The following TTC14 variants were observed in gnomAD, a reference collection of about 807,000 sequenced individuals.
TTC14 encodes tetratricopeptide repeat protein 14.
TTC14 carries 63 observed loss-of-function variants against 79.9 expected under a neutral mutation model. The observed-to-expected ratio is 0.79, with a 90% CI of 0.64 to 0.97. The LOEUF (loss-of-function observed/expected upper bound fraction) is 0.97, where lower values mean the gene tolerates loss of function less well. Among genes scored for constraint, TTC14 ranks in the 50% least tolerant of loss-of-function variants. The pLI is 0.00. For missense variants in TTC14, 895 were observed against 894.0 expected (o/e 1.00, Z -0.01); for synonymous variants, 335 against 309.6 (o/e 1.08, Z -0.86).
At chr3:180,614,938 T>C, downstream of TTC14, 1 of 1,564,400 alleles carries the variant, frequency 6.4e-7, no homozygotes. Flanking sequence ...CTGCTCTTTT[T>C]GCTCTTAACA....
In TTC14 at chr3:180,602,960, A is replaced by G. The variant is rs759681333; in HGVS notation, c.231A>G (p.Ala77=). Residue 77 remains alanine (A), a synonymous_variant, in exon 2 of 12, where the codon GCA becomes GCG. Transcript: ENST00000296015. ...CCAAAAAAGCGGATCTGCTTTTTGC[A>G]CTTTCCTGGAAATCAGATGCACCTG... ...FISKKADLLF[A]LSWKSDAPAT... is the part of the protein sequence containing the mutation. 5.8e-5 allele frequency: 93 copies of G among 1,614,028 alleles called. No homozygotes were observed. The highest frequency in any genetic ancestry group is 4.0e-4 in the South Asian group (36 of 91,028).
intron 10 of TTC14, chr3:180,608,306 T>A: frequency 1.6e-5 from 16 of 986,898 alleles, no homozygotes; most frequent in Non-Finnish European, 1.9e-5. Flanking sequence ...CTCCTTCACT[T>A]CACCTTAACG....
At chr3:180,613,540 T>G (rs1356695943), downstream of TTC14, among the ~76,000 whole-genome samples, 1 of 152,194 alleles carries the variant, frequency 6.6e-6, no homozygotes, top group African/African-American at 2.4e-5. Flanking sequence ...CTTTTTTATA[T>G]TATCAAATTC....
chr3:180,616,279 A>T (rs1392482298), intron 12 of TTC14: 5 of 1,612,874 alleles, frequency 3.1e-6, no homozygotes, highest in African/African-American at 1.3e-5. Context: ...CCCTCCGCTT[A>T]CCTTGCTGAT....
chr3:180,606,635 T>C (rs1443102413), intron 9 of TTC14, 32 bp downstream of exon 9: 1 of 1,576,980 alleles, frequency 6.3e-7, no homozygotes, highest in Non-Finnish European at 8.6e-7. Context: ...ATAGTGGAGG[T>C]CTAATGTTCA....
At chr3:180,613,871 CAAAA>C (rs1717116102), downstream of TTC14, 1 of 453,082 alleles carries the variant, frequency 2.2e-6, no homozygotes, top group Admixed American at 2.4e-5. Context: ...ATTTCTAAAA[CAAAA>C]CAAAAAATAA....
chr3:180,608,657 CTATT>C, intron 10 of TTC14, 40 bp from the exon 11 acceptor site: 1 of 1,449,010 alleles, frequency 6.9e-7, no homozygotes, highest in Non-Finnish European at 9.0e-7. Context: ...ATATATTCTG[CTATT>C]TTTAACGTGT....
chr3:180,610,430 G>A lies in TTC14; in HGVS notation c.2201G>A (p.Ser734Asn), dbSNP rs1456169678. Residue 734 changes from serine to asparagine, a missense_variant, in exon 12 of 12, where the codon AGC becomes AAC. Coordinates refer to ENST00000296015, the MANE Select transcript of TTC14 (RefSeq NM_133462.4). ...TEVPEEDALS[S>N]KEHSESSVKK... ...GTTCCAGAAGAAGATGCACTAAGTA[G>A]CAAAGAACACTCAGAAAGCAGTGTT... The A allele has an allele frequency of 6.2e-7, 1 of 1,613,656 alleles. No homozygotes were observed. Among genetic ancestry groups the A allele is most frequent in the Non-Finnish European group, 8.5e-7 (1 of 1,179,808 alleles).
chr3:180,602,386 C>G lies in TTC14; in HGVS notation c.125C>G (p.Ala42Gly). 1.9e-6 allele frequency: 3 copies of G among 1,609,660 alleles called. No homozygotes were observed. Among genetic ancestry groups the G allele is most frequent in the Non-Finnish European group, 2.5e-6 (3 of 1,179,426 alleles). ...RSLLGSAAEP[A>G]RGPPPQHPLQ... ...CTCCTGGGGTCGGCCGCCGAGCCAG[C>G]CCGGGGCCCGCCGCCCCAGCACCCG... The change falls in exon 1 of 12, where the codon GCC becomes GGC. Residue 42 changes from alanine (A) to glycine (G), a missense_variant. Transcript: ENST00000296015.
Position 180,602,899 on chromosome 3 carries a change from A to G in TTC14, c.170A>G (p.Lys57Arg). The change falls in exon 2 of 12, where the codon AAG (lysine) becomes AGG (arginine). Residue 57 changes from lysine to arginine, a missense_variant. Coordinates refer to ENST00000296015, the MANE Select transcript of TTC14 (RefSeq NM_133462.4). ...PQHPLQGRKE[K>R]RVDNIEIQKF... Reference sequence around the variant, plus strand: ...ATTTTTTTCTTTTTAAGAAAAGAGAAGAGAGTTGACAACATCGAGATACAG... The same window carrying G: ...ATTTTTTTCTTTTTAAGAAAAGAGAGGAGAGTTGACAACATCGAGATACAG... 1.2e-6 allele frequency: 2 copies of G among 1,606,966 alleles called. No homozygotes were observed. The highest frequency in any genetic ancestry group is 1.7e-6 in the Non-Finnish European group (2 of 1,178,302).
At chr3:180,614,365 G>A (rs569891549), downstream of TTC14, 2 of 109,988 alleles carry the variant, frequency 1.8e-5, no homozygotes, top group South Asian at 3.1e-4. Flanking sequence ...TTCTCTTACC[G>A]GTTTTTTTTT....
At position 180,602,328 on chromosome 3, in the gene TTC14, AG is replaced by A. The variant is rs772020210; in HGVS notation, c.68del (p.Ser23ThrfsTer82). The part of the protein sequence containing the change: ...HGSSLLSLLR[S>X]EQQDNPHFRS... ...GTCGTCTTTGCTCTCTCTACTTCGG[AG>A]CGAACAGCAGGACAATCCACACTTC... On this transcript the variant is annotated frameshift_variant, in exon 1 of 12. Transcript: ENST00000296015. LOFTEE classifies it high-confidence loss of function. The A allele has an allele frequency of 6.2e-7, 1 of 1,613,602 alleles. No homozygotes were observed. Among genetic ancestry groups the A allele is most frequent in the East Asian group, 2.2e-5 (1 of 44,866 alleles).
intron 12 of TTC14, chr3:180,617,253 C>T (rs1387170969): frequency 6.4e-6 from 3 of 471,142 alleles, no homozygotes; most frequent in African/African-American, 4.0e-5. Flanking sequence ...GTAAACAAAC[C>T]TGCATTGCCA....
At chr3:180,605,609 C>A in intron 6 of TTC14, 157 bp from the exon 7 acceptor site, 3 of 579,326 alleles carry the variant, frequency 5.2e-6, no homozygotes, top group South Asian at 4.5e-5. Context: ...CAATAATAAT[C>A]ATTTCGAAAG....
downstream of TTC14, chr3:180,614,825 A>T: frequency 8.8e-7 from 1 of 1,141,984 alleles, no homozygotes. Context: ...CTAAGTTTTT[A>T]CACTTTCCAC....
At position 180,616,702 on chromosome 3, in the gene TTC14, G is replaced by A. The variant is rs1182199057; in HGVS notation, c.1775-678G>A. ...CCTTTGTGAGTTTTGCACACTGTTGGTAAATAATAGTCAATTATTCTATAA... is the reference window on the plus strand; with the variant it reads ...CCTTTGTGAGTTTTGCACACTGTTGATAAATAATAGTCAATTATTCTATAA... On this transcript the variant is annotated intron_variant, in intron 12 of 12. Coordinates refer to the TTC14 transcript ENST00000382584. 4 of 1,581,738 alleles carry A rather than the reference G, an allele frequency of 2.5e-6. No individual in the cohort carries two copies. Among genetic ancestry groups the A allele is most frequent in the Non-Finnish European group, 3.4e-6 (4 of 1,162,232 alleles).
At chr3:180,605,974 T>C (rs1716660470) in intron 7 of TTC14, 137 bp downstream of exon 7, 1 of 914,762 alleles carries the variant, frequency 1.1e-6, no homozygotes, top group East Asian at 2.6e-5. Flanking sequence ...TTTTCTTTTA[T>C]AGATGTAAGT....
chr3:180,613,078 G>A (rs1024310125), downstream of TTC14, among the ~76,000 whole-genome samples: 1 of 152,176 alleles, frequency 6.6e-6, no homozygotes, highest in African/African-American at 2.4e-5. Flanking sequence ...CAATGTAAGA[G>A]AATAGTACCT....
chr3:180,615,487 A>G (rs921324738), downstream of TTC14, among the ~76,000 whole-genome samples: 14 of 152,304 alleles, frequency 9.2e-5, no homozygotes, highest in African/African-American at 2.6e-4. Flanking sequence ...ATATTGATGG[A>G]TAAAGTGGTG....
Sources: gnomAD v4.1 joint callset for allele counts (sites outside exome capture counted in the v4.1 genomes callset) on GRCh38, gnomAD v4.1.1 for gene constraint, MANE v1.5 for transcripts, NCBI Gene and HGNC (gene_info 2026-07-23, HGNC 2026-07-21) for gene names.